SYNE1: variants seen among roughly 807,000 people sequenced by gnomAD.
SYNE1 encodes the protein spectrin repeat containing nuclear envelope protein 1.
In SYNE1, 616 loss-of-function variants were observed where a neutral mutation model predicts 1,111.0. That is an observed-to-expected ratio of 0.55 (90% confidence interval 0.52 to 0.59). The LOEUF is 0.59. Ranked by LOEUF, SYNE1 falls within the 20% of genes least tolerant of loss-of-function variation. The pLI is 0.00. For synonymous variants in SYNE1, 3,855 were observed against 3,825.8 expected, an observed-to-expected ratio of 1.01 and a Z score of -0.28; for missense variants, 10,006 against 10,417.0, an observed-to-expected ratio of 0.96 and a Z score of 1.72.
Position 152,132,047 on chromosome 6 carries a change from G to A in SYNE1, c.26094+75C>T. 4 of 1,389,596 alleles carry A rather than the reference G, an allele frequency of 2.9e-6. No homozygotes were observed. In the South Asian group the frequency reaches 3.5e-5, roughly 12 times the overall value. The allele number at this position is 1,389,596 out of a possible 1,614,324, so 86.1% of individuals were successfully genotyped here. ...GAGGGGACGCCTGCCTGTGAACCCT[G>A]TGGTGGGTGCAAATACTGTCACTTC... is the stretch of plus-strand genomic sequence containing the variant. On this transcript the variant is annotated intron_variant, in intron 144 of 145. Coordinates refer to ENST00000367255, the MANE Select transcript of SYNE1 (RefSeq NM_182961.4).
At chr6:152,553,439 T>TC (rs2099354542) in intron 3 of SYNE1, among the ~76,000 whole-genome samples, 1 of 151,996 alleles carries the variant, frequency 6.6e-6, no homozygotes, top group Non-Finnish European at 1.5e-5. Context: ...TTACTCCCTT[T>TC]CCCCCGTACT....
At chr6:152,339,086 C>A (rs920729153) in intron 75 of SYNE1, among the ~76,000 whole-genome samples, 155 bp downstream of exon 75, 1 of 152,150 alleles carries the variant, frequency 6.6e-6, no homozygotes, top group Admixed American at 6.5e-5. Flanking sequence ...TATGAGTTAG[C>A]TGAAATTCAA....
intron 104 of SYNE1, 64 bp from the exon 105 acceptor site, chr6:152,249,326 A>G (rs1413857657): frequency 2.2e-6 from 2 of 905,826 alleles, no homozygotes; most frequent in East Asian, 2.4e-5. Context: ...ACTTGTAAAT[A>G]TAACACAGAT....
At chr6:152,451,298 A>C in intron 25 of SYNE1, 93 bp from the exon 26 acceptor site, 1 of 1,325,372 alleles carries the variant, frequency 7.5e-7, no homozygotes, top group Admixed American at 1.8e-5. Flanking sequence ...CAAAAACCAT[A>C]ACATATTCCT....
At chr6:152,471,459 A>C in intron 16 of SYNE1, 138 bp downstream of exon 16, 1 of 791,344 alleles carries the variant, frequency 1.3e-6, no homozygotes, top group Non-Finnish European at 2.1e-6. Context: ...AAAGCTCATA[A>C]ACTTGTATCT....
chr6:152,230,918 G>A lies in SYNE1; in HGVS notation c.21040-216C>T, dbSNP rs115770068. Among the ~76,000 whole-genome samples, 1,001 of 150,808 alleles carry A rather than the reference G, an allele frequency of 6.6e-3. 12 individuals are homozygous for A. The highest frequency in any genetic ancestry group is 0.024 in the African/African-American group (967 of 41,124). ...GTCTTGAGCCACACATAAAATAAAC[G>A]AACACTAACAATAGCCGACGATCTA... On this transcript the variant is annotated intron_variant, in intron 114 of 145. Transcript: ENST00000367255.
rs1339756724 is a variant in SYNE1, at chr6:152,381,379, C to T, written c.8653-17G>A. The stretch of plus-strand genomic sequence containing the variant: ...TATCAGCTCCTGTAATGGAATATCA[C>T]CATGGTAACTGAAGAGCCTGTGAGT... On this transcript the variant is annotated splice_polypyrimidine_tract_variant and intron_variant, in intron 55 of 145. Transcript: ENST00000367255. The T allele has an allele frequency of 1.2e-6, 2 of 1,610,712 alleles. No individual in the cohort carries two copies. Among genetic ancestry groups the T allele is most frequent in the Admixed American group, 3.3e-5 (2 of 60,022 alleles).
At position 152,326,572 on chromosome 6, in the gene SYNE1, T is replaced by C. The variant is rs775812808; in HGVS notation, c.15017A>G (p.Asn5006Ser). 2.5e-6 allele frequency: 4 copies of C among 1,614,122 alleles called. No homozygotes were observed. The highest frequency in any genetic ancestry group is 3.4e-6 in the Non-Finnish European group (4 of 1,180,056). The change falls in exon 79 of 146, where the codon AAT (asparagine) becomes AGT (serine). Residue 5006 changes from asparagine (N) to serine (S), a missense_variant. Asn to Ser is a conservative substitution (Grantham distance 46). Coordinates refer to ENST00000367255, the MANE Select transcript of SYNE1 (RefSeq NM_182961.4). ...TTCTTGGGCATCCTCAAGCCAGTCATTGGCTGCTTGAAATACCTGATAATA... is the reference window on the plus strand; with the variant it reads ...TTCTTGGGCATCCTCAAGCCAGTCACTGGCTGCTTGAAATACCTGATAATA... ...QRYYQVFQAA[N>S]DWLEDAQELL...
At chr6:152,450,488 T>C in intron 27 of SYNE1, 137 bp downstream of exon 27, 1 of 935,670 alleles carries the variant, frequency 1.1e-6, no homozygotes, top group African/African-American at 1.6e-5. Flanking sequence ...AATCCATTCC[T>C]TTTATTAAAT....
intron 95 of SYNE1, among the ~76,000 whole-genome samples, chr6:152,289,384 T>C (rs1285850321): frequency 6.6e-6 from 1 of 152,210 alleles, no homozygotes; most frequent in Non-Finnish European, 1.5e-5. Flanking sequence ...CAGAACTGTC[T>C]ACATGAACAC....
chr6:152,620,852 G>A (rs1474828729), intron 3 of SYNE1, among the ~76,000 whole-genome samples: 1 of 152,170 alleles, frequency 6.6e-6, no homozygotes, highest in Non-Finnish European at 1.5e-5. Flanking sequence ...ACAATATGTA[G>A]GGCACTGATG....
chr6:152,324,012 A>G (rs1364709417), intron 81 of SYNE1, among the ~76,000 whole-genome samples: 1 of 152,226 alleles, frequency 6.6e-6, no homozygotes, highest in Admixed American at 6.5e-5. Context: ...AACTAAGCAA[A>G]CAAAATACTC....
intron 3 of SYNE1, among the ~76,000 whole-genome samples, chr6:152,550,680 CTATT>C (rs891275680): frequency 6.6e-6 from 1 of 151,942 alleles, no homozygotes; most frequent in East Asian, 1.9e-4. Flanking sequence ...TGAGAAAAGA[CTATT>C]TATAGTCTTT....
intron 104 of SYNE1, among the ~76,000 whole-genome samples, chr6:152,253,176 C>T (rs1037927143): frequency 6.6e-6 from 1 of 152,176 alleles, no homozygotes; most frequent in Non-Finnish European, 1.5e-5. Flanking sequence ...TGAAGGCCCA[C>T]ATTCTCCATC....
chr6:152,288,126 G>GTT (rs10591944), intron 95 of SYNE1, among the ~76,000 whole-genome samples: 2 of 146,458 alleles, frequency 1.4e-5, no homozygotes, highest in Non-Finnish European at 3.0e-5. Flanking sequence ...TTATGTCTTT[G>GTT]TTTTTTTTTT....
chr6:152,484,140 A>C (rs2098926687), intron 13 of SYNE1, among the ~76,000 whole-genome samples: 1 of 150,428 alleles, frequency 6.6e-6, no homozygotes, highest in African/African-American at 2.5e-5. Context: ...TGAGCCAAGG[A>C]GGTTGAAGCT....
At chr6:152,356,793 A>ATT (rs2096846435) in intron 66 of SYNE1, among the ~76,000 whole-genome samples, 1 of 152,152 alleles carries the variant, frequency 6.6e-6, no homozygotes, top group Admixed American at 6.5e-5. Context: ...AAATGTAAGA[A>ATT]TTAATGCATG....
At chr6:152,312,603 T>C (rs2095588402) in intron 87 of SYNE1, among the ~76,000 whole-genome samples, 1 of 148,282 alleles carries the variant, frequency 6.7e-6, no homozygotes, top group South Asian at 2.1e-4. Flanking sequence ...AATGTATAAT[T>C]TAAGTATATT....
At chr6:152,536,552 A>G (rs2099243872) in intron 4 of SYNE1, among the ~76,000 whole-genome samples, 1 of 149,924 alleles carries the variant, frequency 6.7e-6, no homozygotes, top group African/African-American at 2.5e-5. Context: ...AGTTTCTACT[A>G]TAACATGGCC....
Sources: allele counts gnomAD v4.1 joint callset (sites outside exome capture counted in the v4.1 genomes callset), GRCh38; gene constraint gnomAD v4.1.1; transcripts MANE v1.5; gene names NCBI Gene and HGNC (gene_info 2026-07-23, HGNC 2026-07-21).